The following MROH2A variants were observed in gnomAD, a reference collection of about 807,000 sequenced individuals.
MROH2A encodes maestro heat-like repeat-containing protein family member 2A.
In MROH2A, 174 loss-of-function variants were observed where a neutral mutation model predicts 200.4. The observed-to-expected ratio is 0.87, with a 90% CI of 0.77 to 0.98. The LOEUF is 0.98. Ranked by LOEUF, MROH2A falls within the 50% of genes least tolerant of loss-of-function variation. The probability of loss-of-function intolerance (pLI) is 0.00; values close to 1 mark genes in which losing one functional copy is unlikely to be tolerated. For missense variants in MROH2A, 2,045 were observed against 2,139.6 expected (o/e 0.96, Z 0.87); for synonymous variants, 829 against 840.4 (o/e 0.99, Z 0.23).
Position 233,828,953 on chromosome 2 carries a change from A to C in MROH2A, c.4327A>C (p.Asn1443His), listed in dbSNP as rs941625928. The C allele has an allele frequency of 1.9e-6, 3 of 1,550,426 alleles. No homozygotes were observed. In the African/African-American group the frequency reaches 4.1e-5, roughly 21 times the overall value. The change falls in exon 37 of 42, where the codon AAC (asparagine) becomes CAC (histidine). Residue 1443 changes from asparagine to histidine, a missense_variant. Physicochemically the swap from Asn to His is moderately conservative, Grantham distance 68. This residue lies in a region of MROH2A where 1,201 missense variants were observed against 1,311.3 expected (regional missense o/e 0.92). Coordinates refer to ENST00000389758, the MANE Select transcript of MROH2A (RefSeq NM_001394639.1). The surrounding 1 kb of genome is among the most constrained non-coding windows in gnomAD (Gnocchi z 4.6). ...CLGPLREPVS[N>H]SVTAEGMEAL... ...GGGCCCCCTGAGGGAGCCCGTGAGC[A>C]ACAGCGTGACTGCCGAGGGCATGGA...
chr2:233,830,326 C>G (rs1451732749), intron 38 of MROH2A, among the ~76,000 whole-genome samples: 1 of 152,176 alleles, frequency 6.6e-6, no homozygotes, highest in African/African-American at 2.4e-5. Flanking sequence ...ATCCTCACTC[C>G]CTGCATGGCC....
In MROH2A at chr2:233,807,371, G is replaced by T; in HGVS notation, c.2053-52G>T. The T allele has an allele frequency of 2.0e-6, 3 of 1,513,118 alleles. No individual in the cohort carries two copies. In the Admixed American group the frequency reaches 6.6e-5, roughly 33 times the overall value. 93.7% of individuals were successfully genotyped at this position (1,513,118 alleles called of 1,614,324 possible). ...AAAACTCTCTACAACAGCACCCCCT[G>T]AAGGCTGGCTGTAGGGAGGCCTGAG... On this transcript the variant is annotated intron_variant, in intron 19 of 41. Transcript: ENST00000389758. The surrounding 1 kb of genome is among the most constrained non-coding windows in gnomAD (Gnocchi z 4.3).
chr2:233,806,137 A>C (rs920319782), intron 19 of MROH2A, among the ~76,000 whole-genome samples: 2 of 152,194 alleles, frequency 1.3e-5, no homozygotes, highest in African/African-American at 4.8e-5. Context: ...TTAAGGAAGA[A>C]CATGTTCTTC....
chr2:233,798,569 A>G (rs1559452834), intron 11 of MROH2A, among the ~76,000 whole-genome samples: 1 of 152,202 alleles, frequency 6.6e-6, no homozygotes, highest in Non-Finnish European at 1.5e-5. Flanking sequence ...GATACACACA[A>G]AGCAGTGGCC....
At chr2:233,777,199 C>A (rs953118728), upstream of MROH2A, among the ~76,000 whole-genome samples, 1 of 152,190 alleles carries the variant, frequency 6.6e-6, no homozygotes, top group Non-Finnish European at 1.5e-5. Flanking sequence ...TCACTTCTGG[C>A]TCTAAATGTA....
chr2:233,830,264 T>C (rs1559487335), intron 38 of MROH2A, among the ~76,000 whole-genome samples: 1 of 152,168 alleles, frequency 6.6e-6, no homozygotes, highest in Non-Finnish European at 1.5e-5. Flanking sequence ...ATGTGCCTTC[T>C]CATTTGAGTT....
At chr2:233,793,582 A>G (rs1045424374) in intron 6 of MROH2A, 91 bp from the exon 7 acceptor site, 3 of 1,240,244 alleles carry the variant, frequency 2.4e-6, no homozygotes, top group African/African-American at 3.1e-5. Flanking sequence ...GCAAGGCATG[A>G]GCACTTCCAC....
rs555806185 is a variant in MROH2A, at chr2:233,784,929, C to T, written c.277-4568C>T. Among the ~76,000 whole-genome samples the T allele has an allele frequency of 7.2e-5, 11 of 152,196 alleles. No individual in the cohort carries two copies. In the South Asian group the frequency reaches 1.2e-3, roughly 17 times the overall value. On this transcript the variant is annotated intron_variant, in intron 3 of 41. Transcript: ENST00000389758. ...TTTGGGAGCCAAGGCGGGCGGATCA[C>T]GAGGTCAGGAGTTCGAGAGCAGCCT...
In MROH2A at chr2:233,807,480, G is replaced by A; in HGVS notation, c.2110G>A (p.Val704Met). 6.4e-7 allele frequency: 1 copy of A among 1,550,648 alleles called. No individual in the cohort carries two copies. Among genetic ancestry groups the A allele is most frequent in the African/African-American group, 1.4e-5 (1 of 73,196 alleles). The change falls in exon 20 of 42, where the codon GTG (valine) becomes ATG (methionine). Residue 704 changes from valine (V) to methionine (M), a missense_variant. Coordinates refer to ENST00000389758, the MANE Select transcript of MROH2A (RefSeq NM_001394639.1). This position sits in a 1 kb window ranked among gnomAD's most constrained non-coding sequence, Gnocchi z 4.3. ...GGCCACAGGCCTGGAGGCCAGCAAGGTGGAGGTCCTGCTGTTGGAGCTGCT... is the reference window on the plus strand; with the variant it reads ...GGCCACAGGCCTGGAGGCCAGCAAGATGGAGGTCCTGCTGTTGGAGCTGCT... Reference protein sequence around the residue: ...TLATGLEASKVEVLLLELLYK... With the variant: ...TLATGLEASKMEVLLLELLYK...
At chr2:233,802,041 A>G in intron 14 of MROH2A, 127 bp from the exon 15 acceptor site, 2 of 1,083,360 alleles carry the variant, frequency 1.8e-6, no homozygotes, top group African/African-American at 1.6e-5. Flanking sequence ...TTCAGGGCTG[A>G]GACTGTCAGG....
rs144278203 is a variant in MROH2A at position 233,817,265 on chromosome 2, C to T, written c.2961+380C>T. Among the ~76,000 whole-genome samples, 139 of 152,320 alleles carry T rather than the reference C, an allele frequency of 9.1e-4. 2 individuals are homozygous for T. Among genetic ancestry groups the T allele is most frequent in the Non-Finnish European group, 1.6e-3 (107 of 68,034 alleles). On this transcript the variant is annotated intron_variant, in intron 27 of 41. Transcript: ENST00000389758. ...GCAACCCTTAAAATGTCTAGAACGA[C>T]GTAGTGTTTTTACTGATTGACCATC...
At chr2:233,812,455 A>G (rs1479565997) in intron 24 of MROH2A, among the ~76,000 whole-genome samples, 1 of 152,228 alleles carries the variant, frequency 6.6e-6, no homozygotes, top group Non-Finnish European at 1.5e-5. Flanking sequence ...GTATTTAAAG[A>G]GTTTGGGTCA....
intron 3 of MROH2A, among the ~76,000 whole-genome samples, chr2:233,782,765 TA>T (rs1701009152): frequency 6.6e-6 from 1 of 152,200 alleles, no homozygotes; most frequent in African/African-American, 2.4e-5. Context: ...AGAGCAGTGG[TA>T]AAAGTGGGCA....
intron 3 of MROH2A, among the ~76,000 whole-genome samples, chr2:233,788,947 A>G (rs1439534842): frequency 6.8e-6 from 1 of 146,996 alleles, no homozygotes; most frequent in South Asian, 2.1e-4. Flanking sequence ...TCAAAAAAAA[A>G]AAAAAAAAAA....
In MROH2A at chr2:233,823,604, G is replaced by T. The variant is rs766225614; in HGVS notation, c.4053G>T (p.Leu1351=). The change falls in exon 35 of 42, where the codon CTG becomes CTT. Residue 1351 remains leucine (L), a synonymous_variant. Transcript: ENST00000389758. ...GCCACAGGCAGAGGCTGGCCGAGCT[G>T]GTGCTCAGGGGCATGGACTCAGAAG... The part of the protein sequence containing the change: ...VEGHRQRLAE[L]VLRGMDSEVL... 203 of 1,550,334 alleles carry T rather than the reference G, an allele frequency of 1.3e-4. No individual in the cohort carries two copies. The highest frequency in any genetic ancestry group is 1.7e-4 in the Non-Finnish European group (193 of 1,146,978).
At chr2:233,791,682 C>T (rs967537831) in intron 5 of MROH2A, among the ~76,000 whole-genome samples, 8 of 152,172 alleles carry the variant, frequency 5.3e-5, no homozygotes, top group African/African-American at 1.2e-4. Context: ...CGGGAGGAGT[C>T]GTAAGAGACA....
At chr2:233,816,057 C>A (rs1204700887) in intron 26 of MROH2A, among the ~76,000 whole-genome samples, 1 of 152,114 alleles carries the variant, frequency 6.6e-6, no homozygotes, top group Non-Finnish European at 1.5e-5. Flanking sequence ...TACTTAAATT[C>A]CGTATTTTAA....
chr2:233,832,675 C>G, intron 41 of MROH2A, 31 bp downstream of exon 41: 1 of 1,451,506 alleles, frequency 6.9e-7, no homozygotes, highest in South Asian at 1.2e-5. Context: ...GATGTTGAGT[C>G]CACGACTCAC....
chr2:233,833,013 A>AAT, intron 41 of MROH2A, 125 bp from the exon 42 acceptor site: 1 of 1,172,352 alleles, frequency 8.5e-7, no homozygotes, highest in Non-Finnish European at 1.2e-6. Flanking sequence ...TTTCCCACAC[A>AAT]GGAGTTTCCC....
Sources: gnomAD v4.1 joint callset for allele counts (sites outside exome capture counted in the v4.1 genomes callset) on GRCh38, gnomAD v4.1.1 for gene constraint, gnomAD v4.1.1 regional missense constraint, Gnocchi (gnomAD v3.1) non-coding constraint, MANE v1.5 for transcripts, NCBI Gene and HGNC (gene_info 2026-07-23, HGNC 2026-07-21) for gene names.